AKAP13: variants seen among roughly 807,000 people sequenced by gnomAD.
The protein encoded by AKAP13 is A-kinase anchor protein 13.
Under a neutral mutation model 264.5 loss-of-function variants are expected in AKAP13, and 80 were observed. That is an observed-to-expected ratio of 0.30 (90% CI 0.25 to 0.36). AKAP13 has a LOEUF of 0.36. AKAP13 is among the 10% of genes least tolerant of loss of function. The pLI is 1.00. For synonymous variants in AKAP13, 1,380 were observed against 1,250.2 expected (o/e 1.10, Z -2.19); for missense variants, 3,712 against 3,435.2 (o/e 1.08, Z -2.01).
In AKAP13 at chr15:85,743,542, T is replaced by G; in HGVS notation, c.8109T>G (p.Ser2703Arg). The G allele has an allele frequency of 6.2e-7, 1 of 1,614,166 alleles. No individual in the cohort carries two copies. ...TGAGGATCCCATCGTTCTTCCCCAGTCCTGAGGAGCCCCCCTCGCCATCTG... is the reference window on the plus strand; with the variant it reads ...TGAGGATCCCATCGTTCTTCCCCAGGCCTGAGGAGCCCCCCTCGCCATCTG... ...KLMRIPSFFP[S>R]PEEPPSPSAP... The change falls in exon 36 of 37, where the codon AGT (serine) becomes AGG (arginine). Residue 2703 changes from serine to arginine, a missense_variant. By Grantham distance (110) the Ser-to-Arg change is moderately radical. Around this residue, in one of 3 missense-constraint regions of AKAP13, gnomAD observed 611 missense variants for 539.3 expected, o/e 1.13. Transcript: ENST00000394518.
At chr15:85,407,405 A>AT (rs1169753418) in intron 1 of AKAP13, among the ~76,000 whole-genome samples, 15 of 151,138 alleles carry the variant, frequency 9.9e-5, no homozygotes, top group Non-Finnish European at 1.5e-4. Flanking sequence ...TTTTTTTAAA[A>AT]TTTTTTTTAT....
Position 85,744,620 on chromosome 15 carries a change from A to C in AKAP13, c.8393-8A>C. 1.2e-6 allele frequency: 2 copies of C among 1,613,948 alleles called. No individual in the cohort carries two copies. The highest frequency in any genetic ancestry group is 1.7e-6 in the Non-Finnish European group (2 of 1,179,962). On this transcript the variant is annotated splice_polypyrimidine_tract_variant and splice_region_variant and intron_variant, in intron 36 of 36. Coordinates refer to ENST00000394518, the MANE Select transcript of AKAP13 (RefSeq NM_007200.5). ...AATTTTTTTCATTCTTGGTTTTCAC[A>C]TTTCCAGATGGTCCCGCGTCAGAAG...
At chr15:85,546,321 AACACACACAC>A (rs60271542) in intron 5 of AKAP13, among the ~76,000 whole-genome samples, 60 of 145,284 alleles carry the variant, frequency 4.1e-4, no homozygotes, top group African/African-American at 1.1e-3. Context: ...GTTGTTACCA[AACACACACAC>A]ACACACACAC....
intron 16 of AKAP13, among the ~76,000 whole-genome samples, chr15:85,689,239 T>A (rs2085124383): frequency 6.6e-6 from 1 of 152,190 alleles, no homozygotes; most frequent in African/African-American, 2.4e-5. Context: ...CTGTGGTCTG[T>A]ATAAAAAAGA....
At chr15:85,521,939 C>G (rs563059361) in intron 3 of AKAP13, among the ~76,000 whole-genome samples, 225 of 152,182 alleles carry the variant, frequency 1.5e-3, no homozygotes, top group African/African-American at 5.1e-3. Context: ...ATATTATTGC[C>G]AAATTTTTAT....
At chr15:85,495,559 A>T (rs115494465) in intron 2 of AKAP13, among the ~76,000 whole-genome samples, 2,412 of 152,270 alleles carry the variant, frequency 0.016, 74 homozygotes, top group African/African-American at 0.055. Context: ...GCCAAACAGC[A>T]TATTTTTGCC....
At chr15:85,572,267 A>G (rs533835275) in intron 5 of AKAP13, among the ~76,000 whole-genome samples, 5 of 152,262 alleles carry the variant, frequency 3.3e-5, no homozygotes, top group African/African-American at 1.2e-4. Flanking sequence ...TTGTTGGAAT[A>G]TGGCTGTATG....
intron 5 of AKAP13, among the ~76,000 whole-genome samples, chr15:85,546,360 A>ACACACACACACACACACAC (rs2077744320): frequency 6.7e-6 from 1 of 150,100 alleles, no homozygotes. Context: ...ACACACACAC[A>ACACACACACACACACACAC]GCCAAAAGTG....
chr15:85,613,715 A>ATATATATATATATATATATATATATATAT (rs1421387238), intron 8 of AKAP13, among the ~76,000 whole-genome samples: 20 of 76,948 alleles, frequency 2.6e-4, no homozygotes, highest in Admixed American at 8.3e-4. Flanking sequence ...TATATATATT[A>ATATATATATATATATATATATATATATAT]GGAGTGCTGA....
At chr15:85,409,933 A>G (rs573241474) in intron 1 of AKAP13, among the ~76,000 whole-genome samples, 3 of 151,752 alleles carry the variant, frequency 2.0e-5, no homozygotes, top group African/African-American at 7.3e-5. Context: ...GCCTGGCCTG[A>G]TGCAGCTAGT....
Position 85,543,869 on chromosome 15 carries a change from T to C in AKAP13, c.576T>C (p.Ala192=). ...TGCAGAAGCCAGGTGGCCGCGGAGC[T>C]CTCAGTATCCACAACCAGGAAGGGG... is the stretch of plus-strand genomic sequence containing the variant. ...FLLQKPGGRG[A]LSIHNQEGAT... is the part of the protein sequence containing the mutation. The change falls in exon 5 of 37, where the codon GCT becomes GCC. Residue 192 remains alanine, a synonymous_variant. Transcript: ENST00000394518. The C allele has an allele frequency of 1.9e-6, 3 of 1,614,072 alleles. No individual in the cohort carries two copies. Among genetic ancestry groups the C allele is most frequent in the Non-Finnish European group, 2.5e-6 (3 of 1,180,012 alleles).
intron 23 of AKAP13, among the ~76,000 whole-genome samples, chr15:85,721,658 T>C (rs2087292063): frequency 6.6e-6 from 1 of 152,258 alleles, no homozygotes; most frequent in African/African-American, 2.4e-5. Flanking sequence ...CTCATTGTTT[T>C]ATTACTCTGT....
chr15:85,741,605 G>A lies in AKAP13; in HGVS notation c.8058+110G>A. 3 of 1,409,870 alleles carry A rather than the reference G, an allele frequency of 2.1e-6. No homozygotes were observed. The South Asian group carries it at 4.7e-5, about 22-fold the overall frequency. 87.3% of individuals were successfully genotyped at this position (1,409,870 alleles called of 1,614,324 possible). ...GAAATATAGAGCCTGTTTTTGGCCA[G>A]ATGCTCATGCCTGTGATCCCAGCAC... On this transcript the variant is annotated intron_variant, in intron 35 of 36. Transcript: ENST00000394518.
chr15:85,720,435 G>T (rs2087214177), intron 23 of AKAP13, among the ~76,000 whole-genome samples: 1 of 152,070 alleles, frequency 6.6e-6, no homozygotes, highest in Non-Finnish European at 1.5e-5. Context: ...ATCAAGGTGT[G>T]GTATGGTTTT....
intron 5 of AKAP13, among the ~76,000 whole-genome samples, chr15:85,566,840 G>C (rs2078623844): frequency 6.6e-6 from 1 of 151,844 alleles, no homozygotes; most frequent in Non-Finnish European, 1.5e-5. Flanking sequence ...GTGTTAGCCA[G>C]GATGGTCTCA....
intron 1 of AKAP13, among the ~76,000 whole-genome samples, chr15:85,474,188 T>C (rs1029685075): frequency 1.3e-5 from 2 of 152,212 alleles, no homozygotes; most frequent in African/African-American, 4.8e-5. Context: ...AAACACAAGC[T>C]AACATGTTCT....
intron 5 of AKAP13, among the ~76,000 whole-genome samples, chr15:85,552,920 T>C (rs1461461558): frequency 6.6e-6 from 1 of 152,150 alleles, no homozygotes; most frequent in Non-Finnish European, 1.5e-5. Flanking sequence ...CTTAATTTTA[T>C]TCTTATGTGA....
chr15:85,414,983 A>T (rs760795892), intron 1 of AKAP13, among the ~76,000 whole-genome samples: 1 of 152,176 alleles, frequency 6.6e-6, no homozygotes, highest in Non-Finnish European at 1.5e-5. Context: ...TCAGAATGTG[A>T]GAAAGTGTGA....
chr15:85,682,692 A>G (rs2084661241), intron 15 of AKAP13, among the ~76,000 whole-genome samples: 9 of 151,794 alleles, frequency 5.9e-5, no homozygotes, highest in Admixed American at 5.9e-4. Flanking sequence ...TTTGAGACAG[A>G]GTTTCGCTCT....
Sources: gnomAD v4.1 joint callset for allele counts (sites outside exome capture counted in the v4.1 genomes callset) on GRCh38, gnomAD v4.1.1 for gene constraint, gnomAD v4.1.1 regional missense constraint, MANE v1.5 for transcripts, NCBI Gene and HGNC (gene_info 2026-07-23, HGNC 2026-07-21) for gene names.